PDE7A: variants seen among roughly 807,000 people sequenced by gnomAD.
PDE7A encodes high affinity 3',5'-cyclic-AMP phosphodiesterase 7A.
A neutral mutation model predicts 64.3 loss-of-function variants in PDE7A; 39 were observed. The ratio of observed to expected loss-of-function variants is 0.61; its 90% CI spans 0.47 to 0.79. The LOEUF (loss-of-function observed/expected upper bound fraction) is 0.79, where lower values mean the gene tolerates loss of function less well. PDE7A is among the 30% of genes least tolerant of loss of function. The pLI, the probability that PDE7A is intolerant of heterozygous loss-of-function variation, is 0.00. For synonymous variants in PDE7A, 203 were observed against 206.8 expected (o/e 0.98, Z 0.16); for missense variants, 470 against 582.8 (o/e 0.81, Z 1.99).
chr8:65,723,699 CT>C (rs1806490989), intron 11 of PDE7A, 78 bp from the exon 12 acceptor site: 1 of 980,348 alleles, frequency 1.0e-6, no homozygotes. Flanking sequence ...TTGAACATAC[CT>C]GTGCATTTCT....
intron 1 of PDE7A, among the ~76,000 whole-genome samples, chr8:65,818,968 A>C (rs1301852057): frequency 6.6e-6 from 1 of 152,208 alleles, no homozygotes; most frequent in East Asian, 1.9e-4. Context: ...AATTGGGGGA[A>C]TGTGAGTAGC....
chr8:65,779,795 G>A lies in PDE7A; in HGVS notation c.208C>T (p.Arg70Cys), dbSNP rs774612786. ...ALYIRMLGDVRVRSRAGFESE... is the reference protein window; with the variant it reads ...ALYIRMLGDVCVRSRAGFESE... ...TCAAATCCTGCTCGGCTCCTTACAC[G>A]TACATCTCCTGGACAGAATCAAGAA... The change falls in exon 3 of 13, where the codon CGT becomes TGT. Residue 70 changes from arginine (R) to cysteine (C), a missense_variant. Transcript: ENST00000401827. 1.4e-5 allele frequency: 22 copies of A among 1,588,012 alleles called. No individual in the cohort carries two copies. The highest frequency in any genetic ancestry group is 1.8e-5 in the Non-Finnish European group (21 of 1,159,624).
At chr8:65,755,956 G>A (rs1346864028) in intron 3 of PDE7A, among the ~76,000 whole-genome samples, 1 of 152,158 alleles carries the variant, frequency 6.6e-6, no homozygotes, top group Non-Finnish European at 1.5e-5. Flanking sequence ...TACTGGTAAT[G>A]AACTCCCTCA....
chr8:65,840,641 G>T (rs562851608), intron 1 of PDE7A, among the ~76,000 whole-genome samples: 1 of 152,300 alleles, frequency 6.6e-6, no homozygotes, highest in East Asian at 1.9e-4. Flanking sequence ...CAAACCTAAG[G>T]AATTGGGCCA....
At chr8:65,761,214 C>T (rs1286722809) in intron 3 of PDE7A, among the ~76,000 whole-genome samples, 1 of 152,136 alleles carries the variant, frequency 6.6e-6, no homozygotes, top group African/African-American at 2.4e-5. Context: ...TACAGGCACG[C>T]ACCACCATGC....
intron 1 of PDE7A, among the ~76,000 whole-genome samples, chr8:65,824,954 T>A (rs989135112): frequency 6.6e-6 from 1 of 152,158 alleles, no homozygotes; most frequent in African/African-American, 2.4e-5. Context: ...TATTACAAGT[T>A]TAATATTTAA....
At chr8:65,757,519 T>G (rs1808290099) in intron 3 of PDE7A, among the ~76,000 whole-genome samples, 1 of 152,228 alleles carries the variant, frequency 6.6e-6, no homozygotes, top group Admixed American at 6.5e-5. Flanking sequence ...GGCAGTAGTT[T>G]GGCAAACATA....
At chr8:65,750,288 T>G (rs1320531033) in intron 3 of PDE7A, among the ~76,000 whole-genome samples, 1 of 152,202 alleles carries the variant, frequency 6.6e-6, no homozygotes, top group East Asian at 1.9e-4. Flanking sequence ...GCAGAATACT[T>G]GTACTGTATT....
rs529905959 is a variant in PDE7A, at chr8:65,740,607, G to A, written c.500-1010C>T. Among the ~76,000 whole-genome samples the A allele has an allele frequency of 3.4e-4, 52 of 152,118 alleles. 1 individual carries two copies. The highest frequency in any genetic ancestry group is 6.2e-4 in the South Asian group (3 of 4,818). On this transcript the variant is annotated intron_variant, in intron 5 of 12. Transcript: ENST00000401827. ...AGTAGAGACAGGGTTTCACTTTGTT[G>A]GCCAGGCTGGTCTCGAACTCCTGAC...
intron 1 of PDE7A, among the ~76,000 whole-genome samples, chr8:65,785,612 A>T (rs990646335): frequency 6.6e-6 from 1 of 152,150 alleles, no homozygotes; most frequent in African/African-American, 2.4e-5. Flanking sequence ...CAATACCACC[A>T]ATCTAGGGGT....
intron 3 of PDE7A, among the ~76,000 whole-genome samples, chr8:65,766,704 A>G (rs1808803527): frequency 6.6e-6 from 1 of 152,042 alleles, no homozygotes; most frequent in Non-Finnish European, 1.5e-5. Flanking sequence ...TGTTGGGGCT[A>G]CCCATTGCTC....
At chr8:65,841,280 G>T (rs1349050131) in intron 1 of PDE7A, 91 bp downstream of exon 1, 1 of 1,317,196 alleles carries the variant, frequency 7.6e-7, no homozygotes, top group Non-Finnish European at 9.9e-7. Context: ...GACAATGCGC[G>T]GGCTGGGGGT....
At chr8:65,821,622 T>G (rs1375850678) in intron 1 of PDE7A, among the ~76,000 whole-genome samples, 1 of 152,222 alleles carries the variant, frequency 6.6e-6, no homozygotes, top group African/African-American at 2.4e-5. Context: ...ATATGTACCA[T>G]AAATGTTCAT....
At chr8:65,826,039 T>C (rs1371423192) in intron 1 of PDE7A, among the ~76,000 whole-genome samples, 1 of 152,020 alleles carries the variant, frequency 6.6e-6, no homozygotes, top group East Asian at 1.9e-4. Context: ...CATGGAGCCA[T>C]GGGAAGAGCC....
Position 65,727,170 on chromosome 8 carries a change from C to CT in PDE7A, c.827dup (p.Asn277GlufsTer52). The CT allele has an allele frequency of 6.5e-7, 1 of 1,544,892 alleles. No homozygotes were observed. Among genetic ancestry groups the CT allele is most frequent in the Non-Finnish European group, 8.9e-7 (1 of 1,118,754 alleles). On this transcript the variant is annotated frameshift_variant and splice_region_variant, in exon 8 of 13. Transcript: ENST00000401827. LOFTEE classifies it high-confidence loss of function. ...ATCTTGATGATAAAATTGCACTAAC[C>CT]TTGTATAAAGTTGCCAAGTAATGGT... is the stretch of plus-strand genomic sequence containing the variant.
intron 2 of PDE7A, 121 bp downstream of exon 2, chr8:65,782,662 A>G: frequency 1.6e-6 from 1 of 612,870 alleles, no homozygotes; most frequent in South Asian, 2.1e-5. Flanking sequence ...AAACTCCATG[A>G]ATAGGTTATT....
At chr8:65,836,152 C>A (rs1158663916) in intron 1 of PDE7A, among the ~76,000 whole-genome samples, 1 of 152,180 alleles carries the variant, frequency 6.6e-6, no homozygotes, top group Non-Finnish European at 1.5e-5. Context: ...CACTCACTGG[C>A]CACACTAGTC....
At chr8:65,802,364 A>C (rs1810011478) in intron 1 of PDE7A, among the ~76,000 whole-genome samples, 1 of 152,248 alleles carries the variant, frequency 6.6e-6, no homozygotes, top group African/African-American at 2.4e-5. Context: ...ACAATAAAAA[A>C]ATGCAAAAGA....
At chr8:65,749,661 A>C (rs1009417438) in intron 3 of PDE7A, among the ~76,000 whole-genome samples, 1 of 152,258 alleles carries the variant, frequency 6.6e-6, no homozygotes, top group African/African-American at 2.4e-5. Flanking sequence ...CAGCTTCAAA[A>C]GATAAATAGT....
Sources: allele counts gnomAD v4.1 joint callset (sites outside exome capture counted in the v4.1 genomes callset), GRCh38; gene constraint gnomAD v4.1.1; transcripts MANE v1.5; gene names NCBI Gene and HGNC (gene_info 2026-07-23, HGNC 2026-07-21).